The following EML4 variants were observed in gnomAD, a reference collection of about 807,000 sequenced individuals.
EML4 encodes echinoderm microtubule-associated protein-like 4.
In EML4, 72 loss-of-function variants were observed where a neutral mutation model predicts 129.0. The ratio of observed to expected loss-of-function variants is 0.56; its 90% CI spans 0.46 to 0.68. EML4 has a LOEUF of 0.68. EML4 is among the 30% of genes least tolerant of loss of function. The pLI is 0.00. For synonymous variants in EML4, 532 were observed against 405.0 expected (o/e 1.31, Z -3.77); for missense variants, 1,363 against 1,190.6 (o/e 1.14, Z -2.13).
chr2:42,326,759 G>T (rs1201491394), intron 21 of EML4, among the ~76,000 whole-genome samples: 1 of 152,110 alleles, frequency 6.6e-6, no homozygotes, highest in African/African-American at 2.4e-5. Flanking sequence ...ACGTGCACCT[G>T]TAATCCCAGT....
chr2:42,234,674 G>A (rs1674547489), intron 1 of EML4, among the ~76,000 whole-genome samples: 1 of 152,164 alleles, frequency 6.6e-6, no homozygotes. Flanking sequence ...ATATATTCCT[G>A]TTGAGAGGAC....
At chr2:42,316,481 C>T (rs1042329323) in intron 18 of EML4, among the ~76,000 whole-genome samples, 2 of 152,250 alleles carry the variant, frequency 1.3e-5, no homozygotes, top group East Asian at 3.9e-4. Context: ...GAATCTAGTG[C>T]ATTGTTTCGG....
intron 6 of EML4, among the ~76,000 whole-genome samples, chr2:42,273,621 A>C (rs2104433913): frequency 6.6e-6 from 1 of 152,298 alleles, no homozygotes; most frequent in East Asian, 1.9e-4. Flanking sequence ...TTAAAAATTC[A>C]GGAAATTTTA....
intron 17 of EML4, among the ~76,000 whole-genome samples, chr2:42,307,703 G>A (rs1412504080): frequency 6.6e-6 from 1 of 152,264 alleles, no homozygotes; most frequent in South Asian, 2.1e-4. Flanking sequence ...GCCCAGGCTG[G>A]AGTGCAATGG....
chr2:42,181,678 C>A (rs180711625), intron 1 of EML4, among the ~76,000 whole-genome samples: 1 of 152,104 alleles, frequency 6.6e-6, no homozygotes, highest in African/African-American at 2.4e-5. Context: ...CAAGTAGATA[C>A]CCCTCTAAAC....
Position 42,326,190 on chromosome 2 carries a change from G to T in EML4, c.2279G>T (p.Arg760Leu). Residue 760 changes from arginine to leucine, a missense_variant, in exon 21 of 23, where the codon CGA becomes CTA. Physicochemically the swap from Arg to Leu is moderately radical, Grantham distance 102. Coordinates refer to ENST00000318522, the MANE Select transcript of EML4 (RefSeq NM_019063.5). ...IPNGCKLIRN[R>L]SDCKDIDWTT... The stretch of plus-strand genomic sequence containing the variant: ...AATGGCTGCAAACTAATCAGGAATC[G>T]ATCGGATTGTAAGGACATTGATTGG... The T allele has an allele frequency of 6.2e-7, 1 of 1,613,742 alleles. No homozygotes were observed. Among genetic ancestry groups the T allele is most frequent in the Non-Finnish European group, 8.5e-7 (1 of 1,179,824 alleles).
At chr2:42,218,067 C>T (rs187208787) in intron 1 of EML4, among the ~76,000 whole-genome samples, 79 of 152,308 alleles carry the variant, frequency 5.2e-4, no homozygotes, top group Non-Finnish European at 8.2e-4. Flanking sequence ...CTGGGTCACA[C>T]AGCAGGAGGT....
intron 1 of EML4, among the ~76,000 whole-genome samples, chr2:42,185,252 T>C (rs1401179010): frequency 6.6e-6 from 1 of 152,156 alleles, no homozygotes; most frequent in African/African-American, 2.4e-5. Flanking sequence ...TTTTAAGTAG[T>C]TGAAAAATAA....
intron 5 of EML4, among the ~76,000 whole-genome samples, chr2:42,263,805 C>G (rs1665884560): frequency 1.3e-5 from 2 of 151,964 alleles, no homozygotes; most frequent in African/African-American, 4.8e-5. Flanking sequence ...TCTTGGCTCA[C>G]TGCAACCTCC....
At chr2:42,313,936 CA>C (rs373565249) in intron 17 of EML4, among the ~76,000 whole-genome samples, 196 of 114,760 alleles carry the variant, frequency 1.7e-3, no homozygotes, top group Middle Eastern at 4.6e-3. Flanking sequence ...GACTCCGTCT[CA>C]AAAAAAAAAA....
chr2:42,187,433 G>C (rs912302069), intron 1 of EML4, among the ~76,000 whole-genome samples: 2 of 152,110 alleles, frequency 1.3e-5, no homozygotes, highest in Admixed American at 1.3e-4. Context: ...TATTGCTTTA[G>C]AGATTCATCC....
At chr2:42,176,117 G>C (rs1233050376) in intron 1 of EML4, among the ~76,000 whole-genome samples, 1 of 151,070 alleles carries the variant, frequency 6.6e-6, no homozygotes, top group East Asian at 1.9e-4. Flanking sequence ...CTTCTCTCCT[G>C]AATCAGCTTC....
At chr2:42,296,681 A>C (rs1667975470) in intron 13 of EML4, among the ~76,000 whole-genome samples, 1 of 152,214 alleles carries the variant, frequency 6.6e-6, no homozygotes, top group Non-Finnish European at 1.5e-5. Flanking sequence ...ACATTAAGGA[A>C]ATAACTTTCA....
At chr2:42,242,571 A>G (rs896661535) in intron 1 of EML4, among the ~76,000 whole-genome samples, 1 of 152,018 alleles carries the variant, frequency 6.6e-6, no homozygotes, top group Admixed American at 6.6e-5. Context: ...AGAGGGCTTC[A>G]TTTGGCCTAT....
intron 6 of EML4, among the ~76,000 whole-genome samples, chr2:42,274,301 ACTTT>A (rs1428197660): frequency 6.6e-6 from 1 of 152,220 alleles, no homozygotes; most frequent in African/African-American, 2.4e-5. Context: ...TAAAATGGAA[ACTTT>A]CAGGAGAAAG....
chr2:42,272,887 A>G (rs1666451738), intron 6 of EML4, among the ~76,000 whole-genome samples: 1 of 152,178 alleles, frequency 6.6e-6, no homozygotes. Context: ...GATAGTTTCT[A>G]TTTTAAAAAA....
chr2:42,183,410 T>C (rs1216468501), intron 1 of EML4, among the ~76,000 whole-genome samples: 1 of 152,214 alleles, frequency 6.6e-6, no homozygotes, highest in South Asian at 2.1e-4. Flanking sequence ...ATGATCCTTT[T>C]TTCTTAGATG....
chr2:42,319,553 T>A (rs1669413015), intron 19 of EML4: 1 of 152,250 alleles, frequency 6.6e-6, no homozygotes, highest in Admixed American at 6.5e-5. Context: ...TCTTGCTGCC[T>A]ATTTCCACCG....
At chr2:42,263,585 A>C (rs1362050785) in intron 5 of EML4, among the ~76,000 whole-genome samples, 1 of 145,310 alleles carries the variant, frequency 6.9e-6, no homozygotes, top group Admixed American at 6.8e-5. Context: ...TTGTATTTTT[A>C]GTAGAGACGG....
Sources: gnomAD v4.1 joint callset for allele counts (sites outside exome capture counted in the v4.1 genomes callset) on GRCh38, gnomAD v4.1.1 for gene constraint, MANE v1.5 for transcripts, NCBI Gene and HGNC (gene_info 2026-07-23, HGNC 2026-07-21) for gene names.